GSTCD: variants seen among roughly 807,000 people sequenced by gnomAD.
GSTCD encodes the protein glutathione S-transferase C-terminal domain containing.
Under a neutral mutation model 68.3 loss-of-function variants are expected in GSTCD, and 44 were observed. That is an observed-to-expected ratio of 0.64 (90% CI 0.51 to 0.83). The LOEUF (loss-of-function observed/expected upper bound fraction) is 0.83. GSTCD is among the 40% of genes least tolerant of loss of function. The pLI is 0.00. For synonymous variants in GSTCD, 273 were observed against 255.2 expected, an observed-to-expected ratio of 1.07 and a Z score of -0.67; for missense variants, 739 against 735.9, an observed-to-expected ratio of 1.00 and a Z score of -0.05.
chr4:105,725,469 C>T (rs1054205297), intron 3 of GSTCD, among the ~76,000 whole-genome samples: 2 of 152,082 alleles, frequency 1.3e-5, no homozygotes, highest in African/African-American at 2.4e-5. Flanking sequence ...AATGAGAGTT[C>T]CTGTTGTTCC....
At chr4:105,761,839 T>C (rs185902046) in intron 5 of GSTCD, 130 of 152,352 alleles carry the variant, frequency 8.5e-4, no homozygotes, top group African/African-American at 2.8e-3. Flanking sequence ...TTTGTGTCTG[T>C]GTAGCTTGTC....
At chr4:105,788,837 T>A (rs1735559794) in intron 5 of GSTCD, among the ~76,000 whole-genome samples, 1 of 151,970 alleles carries the variant, frequency 6.6e-6, no homozygotes, top group Non-Finnish European at 1.5e-5. Context: ...TATCCCTACT[T>A]TTTTTTAATG....
chr4:105,730,691 T>A (rs185339951), intron 5 of GSTCD, among the ~76,000 whole-genome samples: 92 of 152,308 alleles, frequency 6.0e-4, no homozygotes, highest in African/African-American at 2.2e-3. Context: ...ATTCTGTAGG[T>A]TGCCTGTTCA....
rs756449102 is a variant in GSTCD, at chr4:105,825,695, A to G, written c.1425A>G (p.Glu475=). The change falls in exon 8 of 12, where the codon GAA becomes GAG. Residue 475 remains glutamate, a synonymous_variant. Coordinates refer to ENST00000515279, the MANE Select transcript of GSTCD (RefSeq NM_001370181.1). ...AGGTTACATTAATAGAAAACAAGGA[A>G]TTATCATTAATTCGTGCTAAGAAGA... ...SCQVTLIENK[E]LSLIRAKKRS... is the part of the protein sequence containing the mutation. 2 of 1,507,772 alleles carry G rather than the reference A, an allele frequency of 1.3e-6. No individual in the cohort carries two copies. The highest frequency in any genetic ancestry group is 1.8e-6 in the Non-Finnish European group (2 of 1,085,836). 93.4% of individuals were successfully genotyped at this position (1,507,772 alleles called of 1,614,324 possible).
chr4:105,721,812 C>T (rs191272018), intron 3 of GSTCD, among the ~76,000 whole-genome samples: 2 of 152,182 alleles, frequency 1.3e-5, no homozygotes, highest in East Asian at 3.9e-4. Context: ...ATACCCTCTC[C>T]TCTGAAAAGT....
At chr4:105,750,790 G>T (rs1383890717) in intron 5 of GSTCD, among the ~76,000 whole-genome samples, 1 of 152,114 alleles carries the variant, frequency 6.6e-6, no homozygotes, top group Non-Finnish European at 1.5e-5. Flanking sequence ...TATGTGCAAT[G>T]GAATACTATT....
At chr4:105,822,926 T>C in intron 5 of GSTCD, 28 bp from the exon 6 acceptor site, 4 of 1,514,854 alleles carry the variant, frequency 2.6e-6, no homozygotes, top group Non-Finnish European at 3.7e-6. Flanking sequence ...TATAATGTTT[T>C]GTGTTCTTCA....
At chr4:105,759,258 C>A (rs1323793668) in intron 5 of GSTCD, among the ~76,000 whole-genome samples, 3 of 151,992 alleles carry the variant, frequency 2.0e-5, no homozygotes, top group Non-Finnish European at 4.4e-5. Flanking sequence ...TTAGAAAAGT[C>A]TTTTTAAAAT....
At chr4:105,737,704 C>T (rs1733505892) in intron 5 of GSTCD, among the ~76,000 whole-genome samples, 1 of 152,088 alleles carries the variant, frequency 6.6e-6, no homozygotes, top group Non-Finnish European at 1.5e-5. Context: ...TTTTCTAGTA[C>T]CATTTATTGA....
At chr4:105,817,273 G>A (rs78594748) in intron 5 of GSTCD, among the ~76,000 whole-genome samples, 1 of 151,976 alleles carries the variant, frequency 6.6e-6, no homozygotes, top group African/African-American at 2.4e-5. Flanking sequence ...ATGAATGATT[G>A]AGAAAGATAC....
intron 5 of GSTCD, 31 bp downstream of exon 5, chr4:105,729,530 C>T: frequency 7.0e-7 from 1 of 1,437,044 alleles, no homozygotes; most frequent in Non-Finnish European, 9.8e-7. Flanking sequence ...AAGTTTTATT[C>T]ATACTTTGGA....
chr4:105,719,782 G>C (rs1230618021), intron 3 of GSTCD, among the ~76,000 whole-genome samples: 2 of 152,112 alleles, frequency 1.3e-5, no homozygotes, highest in Non-Finnish European at 2.9e-5. Flanking sequence ...ATCAAAGTTA[G>C]TAATTACTAT....
chr4:105,732,754 G>C (rs1451644766), intron 5 of GSTCD, among the ~76,000 whole-genome samples: 1 of 152,010 alleles, frequency 6.6e-6, no homozygotes, highest in Admixed American at 6.6e-5. Context: ...GTTTGCTCTT[G>C]CTTCTCTAGT....
intron 5 of GSTCD, among the ~76,000 whole-genome samples, chr4:105,814,859 A>G (rs555947024): frequency 1.3e-5 from 2 of 152,294 alleles, no homozygotes; most frequent in South Asian, 4.1e-4. Context: ...CTGTAAAGTT[A>G]GGATCCTTAG....
rs1049354802 is a variant in GSTCD at position 105,731,294 on chromosome 4, G to A, written c.1240+1795G>A. Reference sequence around the variant, plus strand: ...AAGTCATTGGTAGCTTGATGAGGATGACATTGAATCTATAAATTACCTTGG... The same window carrying A: ...AAGTCATTGGTAGCTTGATGAGGATAACATTGAATCTATAAATTACCTTGG... On this transcript the variant is annotated intron_variant, in intron 5 of 11. Coordinates refer to ENST00000515279, the MANE Select transcript of GSTCD (RefSeq NM_001370181.1). Among the ~76,000 whole-genome samples, 70 of 152,114 alleles carry A rather than the reference G, an allele frequency of 4.6e-4. 1 individual carries two copies. Among genetic ancestry groups the A allele is most frequent in the Middle Eastern group, 3.2e-3 (1 of 316 alleles).
chr4:105,843,094 G>A (rs1246292461), intron 11 of GSTCD, among the ~76,000 whole-genome samples: 1 of 152,052 alleles, frequency 6.6e-6, no homozygotes, highest in Non-Finnish European at 1.5e-5. Context: ...TTGTTTCTTT[G>A]GCTGAGCACC....
intron 5 of GSTCD, among the ~76,000 whole-genome samples, chr4:105,812,875 T>G (rs1722810855): frequency 6.6e-6 from 1 of 152,164 alleles, no homozygotes; most frequent in African/African-American, 2.4e-5. Context: ...GGAGGCAGCA[T>G]AGTGCATTCT....
intron 5 of GSTCD, among the ~76,000 whole-genome samples, chr4:105,753,584 C>T (rs1421601058): frequency 6.6e-6 from 1 of 151,892 alleles, no homozygotes; most frequent in Non-Finnish European, 1.5e-5. Flanking sequence ...TTAGGTATTA[C>T]AAATAATCTA....
chr4:105,710,313 C>T (rs991390194), intron 1 of GSTCD, among the ~76,000 whole-genome samples: 1 of 146,952 alleles, frequency 6.8e-6, no homozygotes, highest in African/African-American at 2.5e-5. Flanking sequence ...ATCCGCCTCC[C>T]GGGCTCAAGC....
Sources: allele counts gnomAD v4.1 joint callset (sites outside exome capture counted in the v4.1 genomes callset), GRCh38; gene constraint gnomAD v4.1.1; transcripts MANE v1.5; gene names NCBI Gene and HGNC (gene_info 2026-07-23, HGNC 2026-07-21).